FIGN: variants seen among roughly 807,000 people sequenced by gnomAD.
FIGN encodes the protein fidgetin, microtubule severing factor, also known as fidgetin.
In FIGN, 11 loss-of-function variants were observed where a neutral mutation model predicts 51.3. The observed-to-expected ratio is 0.21, with a 90% CI of 0.13 to 0.35. The LOEUF is 0.35. Ranked by LOEUF, FIGN falls within the 10% of genes least tolerant of loss-of-function variation. The pLI is 1.00. For missense variants in FIGN, 857 were observed against 943.6 expected, an observed-to-expected ratio of 0.91 and a Z score of 1.20; for synonymous variants, 407 against 363.2, an observed-to-expected ratio of 1.12 and a Z score of -1.37.
intron 2 of FIGN, among the ~76,000 whole-genome samples, chr2:163,728,910 G>T (rs915438713): frequency 5.3e-5 from 8 of 152,144 alleles, no homozygotes; most frequent in Non-Finnish European, 2.9e-5. Context: ...CTAGGTGAAG[G>T]TAAAAATGTC....
chr2:163,632,851 C>A (rs1683168617), intron 2 of FIGN, among the ~76,000 whole-genome samples: 1 of 152,028 alleles, frequency 6.6e-6, no homozygotes, highest in Non-Finnish European at 1.5e-5. Context: ...GATTTAGATT[C>A]CTTTCCTAAT....
In FIGN at chr2:163,611,710, G is replaced by A. The variant is rs1691265627; in HGVS notation, c.122C>T (p.Ala41Val). 6 of 1,614,148 alleles carry A rather than the reference G, an allele frequency of 3.7e-6. No individual in the cohort carries two copies. The highest frequency in any genetic ancestry group is 1.7e-5 in the Admixed American group (1 of 60,022). ...GGTGCGCTGCAGATGACCTCTGTAG[G>A]CTTCAACTTTGTGGGCAGGAGACCG... ...TTRSPAHKVE[A>V]YRGHLQRTYQ... The change falls in exon 3 of 3, where the codon GCC becomes GTC. Residue 41 changes from alanine (A) to valine (V), a missense_variant. Coordinates refer to ENST00000333129, the MANE Select transcript of FIGN (RefSeq NM_018086.4).
At chr2:163,702,612 G>A (rs540817511) in intron 2 of FIGN, among the ~76,000 whole-genome samples, 2 of 152,128 alleles carry the variant, frequency 1.3e-5, no homozygotes, top group Admixed American at 6.6e-5. Context: ...GAAGAAAAAA[G>A]TCCCTGTAAC....
At chr2:163,663,257 A>C (rs1402420817) in intron 2 of FIGN, among the ~76,000 whole-genome samples, 1 of 151,834 alleles carries the variant, frequency 6.6e-6, no homozygotes, top group African/African-American at 2.4e-5. Flanking sequence ...TTGAAGACTA[A>C]GTATATTGTT....
intron 2 of FIGN, among the ~76,000 whole-genome samples, chr2:163,705,863 G>T (rs1573962712): frequency 6.6e-6 from 1 of 152,002 alleles, no homozygotes; most frequent in African/African-American, 2.4e-5. Flanking sequence ...AACTACTACA[G>T]AAAAACTAAA....
At chr2:163,676,160 C>T (rs1683959934) in intron 2 of FIGN, among the ~76,000 whole-genome samples, 1 of 151,352 alleles carries the variant, frequency 6.6e-6, no homozygotes, top group African/African-American at 2.4e-5. Flanking sequence ...CATATGAATT[C>T]CTTTTTTTGC....
intron 2 of FIGN, among the ~76,000 whole-genome samples, chr2:163,731,174 G>A (rs1033468807): frequency 6.6e-6 from 1 of 152,112 alleles, no homozygotes; most frequent in African/African-American, 2.4e-5. Context: ...TGAACATTCT[G>A]AAAAACAGTG....
At chr2:163,685,796 G>T (rs567037132) in intron 2 of FIGN, among the ~76,000 whole-genome samples, 2 of 152,174 alleles carry the variant, frequency 1.3e-5, no homozygotes, top group South Asian at 4.1e-4. Context: ...AGGTGTGCTC[G>T]CCAGTAAACT....
At chr2:163,684,311 A>G (rs1347182285) in intron 2 of FIGN, among the ~76,000 whole-genome samples, 1 of 152,240 alleles carries the variant, frequency 6.6e-6, no homozygotes, top group Non-Finnish European at 1.5e-5. Flanking sequence ...TAGCAAAAGC[A>G]AGCTAGATGA....
chr2:163,650,351 C>T (rs1683451942), intron 2 of FIGN, among the ~76,000 whole-genome samples: 1 of 151,420 alleles, frequency 6.6e-6, no homozygotes, highest in Admixed American at 6.6e-5. Context: ...ATATACTATA[C>T]ACATAAATAT....
At position 163,606,926 on chromosome 2, in the gene FIGN, A is replaced by G. The variant is rs1415516442; in HGVS notation, c.*2626T>C. ...CAGAGTTCTAATTTTTAAGTCACTT[A>G]AAGCTAAAAGCCAAGATGTATGACT... On this transcript the variant is annotated 3_prime_UTR_variant, in exon 3 of 3. Transcript: ENST00000333129. 1 of 152,216 alleles carries G rather than the reference A, an allele frequency of 6.6e-6. No individual in the cohort carries two copies. Among genetic ancestry groups the G allele is most frequent in the East Asian group, 1.9e-4 (1 of 5,190 alleles). 9.4% of individuals were successfully genotyped at this position (152,216 alleles called of 1,614,324 possible).
At chr2:163,717,990 G>A (rs937877311) in intron 2 of FIGN, among the ~76,000 whole-genome samples, 2 of 152,010 alleles carry the variant, frequency 1.3e-5, no homozygotes, top group Non-Finnish European at 2.9e-5. Context: ...GATGCTGTCA[G>A]TCAGAACAAA....
chr2:163,609,845 C>T lies in FIGN; in HGVS notation c.1987G>A (p.Val663Ile), dbSNP rs543794640. Residue 663 changes from valine (V) to isoleucine (I), a missense_variant, in exon 3 of 3, where the codon GTA becomes ATA. By Grantham distance (29) the Val-to-Ile change is conservative. Around this residue, in one of 3 missense-constraint regions of FIGN, gnomAD observed 799 missense variants for 849.5 expected, o/e 0.94. Coordinates refer to ENST00000333129, the MANE Select transcript of FIGN (RefSeq NM_018086.4). ...TAATTGTGCTGTGAGAGCAGTTGTA[C>T]TATTATCTGGTGCCTCGCTGTGCTG... ...PDSTARHQII[V>I]QLLSQHNYCL... 7.0e-5 allele frequency: 113 copies of T among 1,614,180 alleles called. 2 individuals carry two copies. In the South Asian group the frequency reaches 1.2e-3, roughly 17 times the overall value.
chr2:163,670,821 C>A (rs1219348742), intron 2 of FIGN, among the ~76,000 whole-genome samples: 2 of 152,108 alleles, frequency 1.3e-5, no homozygotes, highest in African/African-American at 4.8e-5. Flanking sequence ...TGATCTAAAG[C>A]AGTTCTTTTG....
In FIGN at chr2:163,610,944, C is replaced by T. The variant is rs755089831; in HGVS notation, c.888G>A (p.Gln296=). 63 of 1,610,464 alleles carry T rather than the reference C, an allele frequency of 3.9e-5. No homozygotes were observed. In the African/African-American group the frequency reaches 8.2e-4, roughly 21 times the overall value. The change falls in exon 3 of 3, where the codon CAG becomes CAA. Residue 296 remains glutamine (Q), a synonymous_variant. Coordinates refer to ENST00000333129, the MANE Select transcript of FIGN (RefSeq NM_018086.4). ...GTGCAATAGGTGTCAAACCATGGCC[C>T]TGGTAGGTGTAGCCAGGAACAGTGG... The part of the protein sequence containing the change: ...PPTTVPGYTY[Q]GHGLTPIAPS...
At chr2:163,706,796 T>C (rs1183937587) in intron 2 of FIGN, among the ~76,000 whole-genome samples, 2 of 152,194 alleles carry the variant, frequency 1.3e-5, no homozygotes, top group East Asian at 3.8e-4. Context: ...TGGCTGAAAT[T>C]CTGACAAAAT....
intron 2 of FIGN, among the ~76,000 whole-genome samples, chr2:163,676,444 T>TAGATATATATATAG (rs1488881680): frequency 1.8e-4 from 9 of 49,196 alleles, no homozygotes; most frequent in African/African-American, 8.4e-4. Context: ...AATATATATA[T>TAGATATATATATAG]ATATATATAT....
intron 2 of FIGN, among the ~76,000 whole-genome samples, chr2:163,628,426 G>T (rs1683091752): frequency 6.6e-6 from 1 of 152,156 alleles, no homozygotes; most frequent in South Asian, 2.1e-4. Context: ...TTAGAAGATA[G>T]GACAGAAGTA....
At position 163,628,244 on chromosome 2, in the gene FIGN, G is replaced by C. The variant is rs1683086795; in HGVS notation, c.26-16438C>G. 2.2e-5 allele frequency among the ~76,000 whole-genome samples: 3 copies of C among 134,612 alleles called. No individual in the cohort carries two copies. The South Asian group carries it at 6.6e-4, about 30-fold the overall frequency. The allele number at this position is 134,612 out of a possible 152,430, so 88.3% of individuals were successfully genotyped here. A position where few individuals can be genotyped will look rare whatever the true frequency, so the allele number is the denominator to read the frequency against. ...CACTCAGTTCCAAATCTAATAGAGAGAGGTGGCTATACAGAGGAGCTAATA... is the reference window on the plus strand; with the variant it reads ...CACTCAGTTCCAAATCTAATAGAGACAGGTGGCTATACAGAGGAGCTAATA... On this transcript the variant is annotated intron_variant, in intron 2 of 2. Coordinates refer to ENST00000333129, the MANE Select transcript of FIGN (RefSeq NM_018086.4).
Sources: gnomAD v4.1 joint callset for allele counts (sites outside exome capture counted in the v4.1 genomes callset) on GRCh38, gnomAD v4.1.1 for gene constraint, gnomAD v4.1.1 regional missense constraint, MANE v1.5 for transcripts, NCBI Gene and HGNC (gene_info 2026-07-23, HGNC 2026-07-21) for gene names.